HSPBAP1: variants seen among roughly 807,000 people sequenced by gnomAD.
HSPBAP1 encodes HSPB1 associated protein 1, also known as HSPB1-associated protein 1.
A neutral mutation model predicts 45.2 loss-of-function variants in HSPBAP1; 27 were observed. The observed-to-expected ratio is 0.60, with a 90% confidence interval of 0.44 to 0.82. HSPBAP1 has a LOEUF of 0.82. Among genes scored for constraint, HSPBAP1 ranks in the 40% least tolerant of loss-of-function variants. HSPBAP1 has a pLI of 0.00. For missense variants in HSPBAP1, 510 were observed against 590.9 expected (o/e 0.86, Z 1.42); for synonymous variants, 204 against 202.7 (o/e 1.01, Z -0.06).
At chr3:122,751,370 G>T (rs1934127462) in intron 6 of HSPBAP1, among the ~76,000 whole-genome samples, 1 of 152,168 alleles carries the variant, frequency 6.6e-6, no homozygotes, top group Non-Finnish European at 1.5e-5. Flanking sequence ...AAGAGATTAA[G>T]TAATTATCTA....
chr3:122,771,284 G>A (rs1245717144), intron 2 of HSPBAP1, among the ~76,000 whole-genome samples: 2 of 152,100 alleles, frequency 1.3e-5, no homozygotes, highest in Admixed American at 1.3e-4. Context: ...ATTTCTTTCT[G>A]GGTAGTACAG....
intron 1 of HSPBAP1, among the ~76,000 whole-genome samples, chr3:122,792,384 G>A (rs1397402795): frequency 2.6e-5 from 4 of 152,146 alleles, no homozygotes; most frequent in African/African-American, 9.7e-5. Flanking sequence ...CATACATTCT[G>A]GATAAGGGGG....
intron 4 of HSPBAP1, among the ~76,000 whole-genome samples, chr3:122,758,142 C>T (rs886896061): frequency 2.0e-5 from 3 of 152,220 alleles, no homozygotes; most frequent in Non-Finnish European, 2.9e-5. Flanking sequence ...GGTCTGAGAA[C>T]TTGCACATGA....
intron 1 of HSPBAP1, among the ~76,000 whole-genome samples, chr3:122,788,630 C>A (rs1219720532): frequency 6.6e-6 from 1 of 152,168 alleles, no homozygotes; most frequent in South Asian, 2.1e-4. Flanking sequence ...GAAGGAAATT[C>A]TATCATATAC....
chr3:122,740,719 T>C lies in HSPBAP1; in HGVS notation c.1093A>G (p.Met365Val). The stretch of plus-strand genomic sequence containing the variant: ...TGGCTACCTGTTTGGCCCACCTCCA[T>C]GTGGTTGCACACATTTAATTCTTCC... Reference protein sequence around the residue: ...KKEELNVCNHMEVGQTGSQNL... With the variant: ...KKEELNVCNHVEVGQTGSQNL... The change falls in exon 8 of 8, where the codon ATG (methionine) becomes GTG (valine). Residue 365 changes from methionine (M) to valine (V), a missense_variant. Met to Val is a conservative substitution (Grantham distance 21). Transcript: ENST00000306103. 6.2e-7 allele frequency: 1 copy of C among 1,614,148 alleles called. No individual in the cohort carries two copies. Among genetic ancestry groups the C allele is most frequent in the Non-Finnish European group, 8.5e-7 (1 of 1,180,038 alleles).
intron 4 of HSPBAP1, among the ~76,000 whole-genome samples, chr3:122,756,450 G>C (rs1934358646): frequency 6.6e-6 from 1 of 152,106 alleles, no homozygotes; most frequent in Admixed American, 6.6e-5. Flanking sequence ...ACTTTGGGAG[G>C]CCGAGGCAGA....
chr3:122,779,550 C>T (rs1457327470), intron 1 of HSPBAP1, among the ~76,000 whole-genome samples: 2 of 140,980 alleles, frequency 1.4e-5, no homozygotes, highest in East Asian at 2.0e-4. Flanking sequence ...GGGTGTTTCT[C>T]GCAGAGGGGG....
intron 1 of HSPBAP1, among the ~76,000 whole-genome samples, chr3:122,783,654 A>C (rs537473325): frequency 6.6e-6 from 1 of 152,316 alleles, no homozygotes; most frequent in Admixed American, 6.5e-5. Flanking sequence ...ACAAAGAGTA[A>C]ATTTAGAAAA....
chr3:122,793,793 C>G lies in HSPBAP1; in HGVS notation c.-113G>C. The G allele has an allele frequency of 1.1e-6, 1 of 898,560 alleles. No homozygotes were observed. Among genetic ancestry groups the G allele is most frequent in the Middle Eastern group, 3.5e-4 (1 of 2,898 alleles). The allele number at this position is 898,560 out of a possible 1,614,324, so 55.7% of individuals were successfully genotyped here. Reference sequence around the variant, plus strand: ...GCTGCACCACAGGAAGGAGCCCCGGCGACTCCCGCCCGGCTCCTACGGAAA... The same window carrying G: ...GCTGCACCACAGGAAGGAGCCCCGGGGACTCCCGCCCGGCTCCTACGGAAA... On this transcript the variant is annotated 5_prime_UTR_variant, in exon 1 of 8. Transcript: ENST00000306103.
At chr3:122,759,084 C>T (rs759351759) in intron 4 of HSPBAP1, 140 bp downstream of exon 4, 135 of 1,287,736 alleles carry the variant, frequency 1.0e-4, no homozygotes, top group South Asian at 5.5e-4. Flanking sequence ...AGAGGTCTGC[C>T]CTAATCATGA....
intron 1 of HSPBAP1, among the ~76,000 whole-genome samples, chr3:122,789,458 T>C (rs1013135312): frequency 6.6e-6 from 1 of 152,238 alleles, no homozygotes; most frequent in East Asian, 1.9e-4. Flanking sequence ...ACATTTCACA[T>C]TCAGAATTTA....
chr3:122,775,856 T>C (rs927051318), intron 2 of HSPBAP1, among the ~76,000 whole-genome samples: 5 of 152,172 alleles, frequency 3.3e-5, no homozygotes, highest in African/African-American at 1.2e-4. Context: ...AGCCAAAAAA[T>C]GGAATGACTC....
chr3:122,773,303 GTTTTT>G (rs36065763), intron 2 of HSPBAP1, among the ~76,000 whole-genome samples: 5 of 84,428 alleles, frequency 5.9e-5, no homozygotes, highest in Admixed American at 1.6e-4. Flanking sequence ...AAATAAATGT[GTTTTT>G]TTTTTTTTTT....
At chr3:122,744,073 CG>C (rs35562308) in intron 6 of HSPBAP1, among the ~76,000 whole-genome samples, 24,711 of 151,572 alleles carry the variant, frequency 0.16, 2,070 homozygotes, top group African/African-American at 0.2. Flanking sequence ...TACTGGTGCT[CG>C]TTGTATTATA....
chr3:122,750,406 G>A (rs1934087150), intron 6 of HSPBAP1, among the ~76,000 whole-genome samples: 1 of 152,200 alleles, frequency 6.6e-6, no homozygotes, highest in Admixed American at 6.5e-5. Flanking sequence ...ATGATTGGGT[G>A]TCATGCTCAT....
In HSPBAP1 at chr3:122,771,216, C is replaced by T. The variant is rs192944822; in HGVS notation, c.251-2334G>A. Among the ~76,000 whole-genome samples the T allele has an allele frequency of 2.7e-4, 41 of 152,288 alleles. No individual in the cohort carries two copies. The East Asian group carries it at 6.4e-3, about 24-fold the overall frequency. Reference sequence around the variant, plus strand: ...CATTTCCATAATGATATAATTTTTTCACTCTTTCCTGGTAGTAGCATCATT... The same window carrying T: ...CATTTCCATAATGATATAATTTTTTTACTCTTTCCTGGTAGTAGCATCATT... On this transcript the variant is annotated intron_variant, in intron 2 of 7. Coordinates refer to ENST00000306103, the MANE Select transcript of HSPBAP1 (RefSeq NM_024610.6).
intron 6 of HSPBAP1, among the ~76,000 whole-genome samples, chr3:122,747,497 G>GC (rs561141200): frequency 7.3e-5 from 11 of 150,252 alleles, no homozygotes; most frequent in Admixed American, 5.9e-4. Context: ...GGGGGGGTCA[G>GC]CCCCCCTCCC....
chr3:122,757,987 G>A (rs1279099079), intron 4 of HSPBAP1, among the ~76,000 whole-genome samples: 1 of 152,182 alleles, frequency 6.6e-6, no homozygotes, highest in Non-Finnish European at 1.5e-5. Context: ...CACATTCTAT[G>A]CCCTTTAATA....
rs898123278 is a variant in HSPBAP1 at position 122,746,934 on chromosome 3, C to T, written c.825+5657G>A. Among the ~76,000 whole-genome samples the T allele has an allele frequency of 1.2e-4, 18 of 151,130 alleles. 1 individual carries two copies. The highest frequency in any genetic ancestry group is 3.9e-4 in the East Asian group (2 of 5,146). On this transcript the variant is annotated intron_variant, in intron 6 of 7. Transcript: ENST00000306103. ...CCTCCCGAGGTGCTGGGATTGCAGA[C>T]GGAGTCTCGTTCACTCAGTGCTCAA...
Sources: allele counts gnomAD v4.1 joint callset (sites outside exome capture counted in the v4.1 genomes callset), GRCh38; gene constraint gnomAD v4.1.1; transcripts MANE v1.5; gene names NCBI Gene and HGNC (gene_info 2026-07-23, HGNC 2026-07-21).